Variants in HEMK2 observed in about 807,000 individuals in gnomAD.
HEMK2 encodes the protein methyltransferase HEMK2.
At chr21:28,603,338 C>T in the HEMK2 span, among the ~76,000 whole-genome samples, 5 of 152,214 alleles carry the variant, frequency 3.3e-5, no homozygotes, top group South Asian at 1.0e-3. Flanking sequence ...CCATAGAGCC[C>T]CCCTTTTCTT....
the HEMK2 span, among the ~76,000 whole-genome samples, chr21:28,781,846 G>A: frequency 6.6e-6 from 1 of 152,166 alleles, no homozygotes; most frequent in African/African-American, 2.4e-5. Context: ...AGACATAATG[G>A]AATTATTTGC....
At chr21:28,880,033 C>A in the HEMK2 span, 1 of 1,031,008 alleles carries the variant, frequency 9.7e-7, no homozygotes, top group South Asian at 1.8e-5. Flanking sequence ...TAAAAATAAT[C>A]TCCCATGTTT....
the HEMK2 span, among the ~76,000 whole-genome samples, chr21:28,594,899 T>C: frequency 6.6e-6 from 1 of 152,240 alleles, no homozygotes. Context: ...TAGATCACTT[T>C]CCTACTGTTT....
At chr21:28,738,145 C>T in the HEMK2 span, among the ~76,000 whole-genome samples, 1 of 152,184 alleles carries the variant, frequency 6.6e-6, no homozygotes, top group East Asian at 1.9e-4. Flanking sequence ...TTTTGGTCAC[C>T]TTCCACTTAT....
chr21:28,716,629 T>G, the HEMK2 span, among the ~76,000 whole-genome samples: 2,537 of 152,246 alleles, frequency 0.017, 74 homozygotes, highest in African/African-American at 0.056. Flanking sequence ...TTCTCTTGCC[T>G]GATTGCTGTA....
chr21:28,791,717 A>G, the HEMK2 span, among the ~76,000 whole-genome samples: 1 of 152,142 alleles, frequency 6.6e-6, no homozygotes, highest in African/African-American at 2.4e-5. Context: ...TGAGGGAGTC[A>G]TTGGCAACTT....
chr21:28,764,287 G>C, the HEMK2 span, among the ~76,000 whole-genome samples: 1 of 152,142 alleles, frequency 6.6e-6, no homozygotes, highest in South Asian at 2.1e-4. Flanking sequence ...GCAAGTTGTT[G>C]TGCATTCATA....
the HEMK2 span, chr21:28,626,755 C>G: frequency 6.6e-6 from 1 of 152,056 alleles, no homozygotes; most frequent in African/African-American, 2.4e-5. Flanking sequence ...AAAAGAAATA[C>G]AAGTAGCCAA....
chr21:28,818,430 A>G, the HEMK2 span, among the ~76,000 whole-genome samples: 2 of 152,124 alleles, frequency 1.3e-5, no homozygotes, highest in African/African-American at 4.8e-5. Flanking sequence ...GTTAACACTC[A>G]TTAATAAACT....
the HEMK2 span, among the ~76,000 whole-genome samples, chr21:28,595,608 G>A: frequency 3.3e-5 from 5 of 151,934 alleles, no homozygotes; most frequent in Non-Finnish European, 7.4e-5. Context: ...TCCAAATTTT[G>A]GCTATCGTAA....
At chr21:28,869,633 T>C in the HEMK2 span, among the ~76,000 whole-genome samples, 101,358 of 152,124 alleles carry the variant, frequency 0.67, 34,007 homozygotes, top group Non-Finnish European at 0.7. Context: ...TCTTCCTCTT[T>C]TTTCCATATC....
chr21:28,698,191 A>T, the HEMK2 span, among the ~76,000 whole-genome samples: 1 of 152,214 alleles, frequency 6.6e-6, no homozygotes, highest in African/African-American at 2.4e-5. Flanking sequence ...ACCATAGCAC[A>T]TCATACAACT....
the HEMK2 span, among the ~76,000 whole-genome samples, chr21:28,681,995 G>A: frequency 2.0e-5 from 3 of 152,150 alleles, no homozygotes; most frequent in African/African-American, 7.2e-5. Flanking sequence ...GCATGAGCAA[G>A]GACTTCATGT....
chr21:28,849,831 G>A, the HEMK2 span, among the ~76,000 whole-genome samples: 23 of 152,102 alleles, frequency 1.5e-4, no homozygotes, highest in African/African-American at 5.1e-4. Context: ...AAATAATAAA[G>A]AAGAATGAAT....
chr21:28,605,826 C>T, the HEMK2 span, among the ~76,000 whole-genome samples: 14 of 152,132 alleles, frequency 9.2e-5, no homozygotes, highest in East Asian at 2.7e-3. Flanking sequence ...TTAGTAAGTG[C>T]CATAACTAGG....
the HEMK2 span, among the ~76,000 whole-genome samples, chr21:28,752,179 T>C: frequency 6.6e-6 from 1 of 152,314 alleles, no homozygotes; most frequent in East Asian, 1.9e-4. Flanking sequence ...TGCCAGTGAA[T>C]AGACTAATTG....
At chr21:28,735,456 A>G in the HEMK2 span, among the ~76,000 whole-genome samples, 1 of 152,192 alleles carries the variant, frequency 6.6e-6, no homozygotes, top group East Asian at 1.9e-4. Flanking sequence ...GCCACTAAAG[A>G]TGACCCACAT....
the HEMK2 span, among the ~76,000 whole-genome samples, chr21:28,640,123 T>C: frequency 6.6e-6 from 1 of 152,166 alleles, no homozygotes; most frequent in East Asian, 1.9e-4. Flanking sequence ...TAAATGAATC[T>C]ACAGATAGAT....
the HEMK2 span, among the ~76,000 whole-genome samples, chr21:28,797,936 A>G: frequency 1.3e-5 from 2 of 152,124 alleles, no homozygotes; most frequent in Non-Finnish European, 2.9e-5. Context: ...TCCTATCTGC[A>G]TGGCTGGACT....
Sources: gnomAD v4.1 joint callset for allele counts (sites outside exome capture counted in the v4.1 genomes callset) on GRCh38, gnomAD v4.1.1 for gene constraint, MANE v1.5 for transcripts, NCBI Gene and HGNC (gene_info 2026-07-23, HGNC 2026-07-21) for gene names.